The following TOP1 variants were observed in gnomAD, a reference collection of about 807,000 sequenced individuals.
The protein encoded by TOP1 is DNA topoisomerase 1.
A neutral mutation model predicts 111.1 loss-of-function variants in TOP1; 10 were observed. That is an observed-to-expected ratio of 0.09 (90% confidence interval 0.06 to 0.15). TOP1 has a LOEUF of 0.15. Among genes scored for constraint, TOP1 ranks in the 10% least tolerant of loss-of-function variants. The pLI is 1.00. For missense variants in TOP1, 474 were observed against 926.7 expected (o/e 0.51, Z 6.34); for synonymous variants, 271 against 302.9 (o/e 0.89, Z 1.10).
At position 41,080,914 on chromosome 20, in the gene TOP1, C is replaced by G. The variant is rs1477293381; in HGVS notation, c.432-251C>G. On this transcript the variant is annotated intron_variant, in intron 6 of 20. Transcript: ENST00000361337. The surrounding 1 kb of genome is among the most constrained non-coding windows in gnomAD (Gnocchi z 5.0). ...TAATGATATTTATTTCTGCATATAT[C>G]CCCCCACCCTATTTTGCTTCCAGGC... Among the ~76,000 whole-genome samples the G allele has an allele frequency of 2.0e-5, 3 of 151,740 alleles. No individual in the cohort carries two copies. Among genetic ancestry groups the G allele is most frequent in the Admixed American group, 6.6e-5 (1 of 15,220 alleles).
rs2033502518 is a variant in TOP1 at position 41,058,538 on chromosome 20, T to G, written c.59-2856T>G. On this transcript the variant is annotated intron_variant, in intron 2 of 20. Transcript: ENST00000361337. This position sits in a 1 kb window ranked among gnomAD's most constrained non-coding sequence, Gnocchi z 4.2. ...TACATGGGCCTTTCCAGAGGGCTTCTGAGTGAGTACATGACAGTGTGTCAC... is the reference window on the plus strand; with the variant it reads ...TACATGGGCCTTTCCAGAGGGCTTCGGAGTGAGTACATGACAGTGTGTCAC... Among the ~76,000 whole-genome samples, 6 of 152,218 alleles carry G rather than the reference T, an allele frequency of 3.9e-5. No homozygotes were observed. Among genetic ancestry groups the G allele is most frequent in the Admixed American group, 1.3e-4 (2 of 15,280 alleles).
chr20:41,051,815 A>C (rs139869962), intron 2 of TOP1, among the ~76,000 whole-genome samples: 141 of 152,272 alleles, frequency 9.3e-4, no homozygotes, highest in Non-Finnish European at 1.5e-3. Context: ...AAATGCACAT[A>C]TACAACCTGA....
intron 2 of TOP1, among the ~76,000 whole-genome samples, chr20:41,048,093 A>T (rs892711194): frequency 6.1e-5 from 8 of 132,150 alleles, no homozygotes; most frequent in South Asian, 2.4e-4. Context: ...GCTATAAATT[A>T]AAAAAAAAAA....
Position 41,114,755 on chromosome 20 carries a change from G to A in TOP1, c.1638+600G>A, listed in dbSNP as rs1291073550. Among the ~76,000 whole-genome samples the A allele has an allele frequency of 1.3e-5, 2 of 152,190 alleles. No individual in the cohort carries two copies. Among genetic ancestry groups the A allele is most frequent in the East Asian group, 3.8e-4 (2 of 5,204 alleles). On this transcript the variant is annotated intron_variant, in intron 15 of 20. Coordinates refer to ENST00000361337, the MANE Select transcript of TOP1 (RefSeq NM_003286.4). This position sits in a 1 kb window ranked among gnomAD's most constrained non-coding sequence, Gnocchi z 4.5. ...GCCCATCACTGAAGAGGGTACTATAGCTCTGTAGTCCCAACCTAATCTTTT... is the reference window on the plus strand; with the variant it reads ...GCCCATCACTGAAGAGGGTACTATAACTCTGTAGTCCCAACCTAATCTTTT...
At chr20:41,044,548 G>T (rs2033309690) in intron 2 of TOP1, among the ~76,000 whole-genome samples, 1 of 152,210 alleles carries the variant, frequency 6.6e-6, no homozygotes, top group South Asian at 2.1e-4. Context: ...GTTCTGTGCA[G>T]AAGCAGGCTG....
At chr20:41,051,108 A>C (rs2033400291) in intron 2 of TOP1, among the ~76,000 whole-genome samples, 1 of 152,186 alleles carries the variant, frequency 6.6e-6, no homozygotes, top group African/African-American at 2.4e-5. Context: ...TATGTCAGAG[A>C]AGAGCAGAGA....
rs1427284515 is a variant in TOP1 at position 41,124,077 on chromosome 20, T to C, written c.*780T>C. On this transcript the variant is annotated 3_prime_UTR_variant, in exon 21 of 21. Coordinates refer to ENST00000361337, the MANE Select transcript of TOP1 (RefSeq NM_003286.4). The surrounding 1 kb of genome is among the most constrained non-coding windows in gnomAD (Gnocchi z 5.4). Reference sequence around the variant, plus strand: ...TGAAATAATCAGTGACTGAAACCATTTTCCCATCATCCTTTGTTCTGAGCA... The same window carrying C: ...TGAAATAATCAGTGACTGAAACCATCTTCCCATCATCCTTTGTTCTGAGCA... The C allele has an allele frequency of 4.3e-6, 1 of 233,098 alleles. No homozygotes were observed. 14.4% of individuals were successfully genotyped at this position (233,098 alleles called of 1,614,324 possible). A position where few individuals can be genotyped will look rare whatever the true frequency, so the allele number is the denominator to read the frequency against.
In TOP1 at chr20:41,122,161, T is replaced by C; in HGVS notation, c.2195+6T>C. 1 of 1,613,710 alleles carries C rather than the reference T, an allele frequency of 6.2e-7. No individual in the cohort carries two copies. Among genetic ancestry groups the C allele is most frequent in the Non-Finnish European group, 8.5e-7 (1 of 1,179,828 alleles). ...CCTAGGATCACAGTGGCTTGGTAAG[T>C]GTTGAGCCCTCCTTGAGCTCCTGCT... On this transcript the variant is annotated splice_donor_region_variant and intron_variant, in intron 20 of 20. Coordinates refer to ENST00000361337, the MANE Select transcript of TOP1 (RefSeq NM_003286.4). This position sits in a 1 kb window ranked among gnomAD's most constrained non-coding sequence, Gnocchi z 5.4.
At position 41,097,269 on chromosome 20, in the gene TOP1, T is replaced by C; in HGVS notation, c.780T>C (p.Phe260=). The change falls in exon 10 of 21, where the codon TTT becomes TTC. Residue 260 remains phenylalanine (F), a synonymous_variant. Transcript: ENST00000361337. The surrounding 1 kb of genome is among the most constrained non-coding windows in gnomAD (Gnocchi z 4.2). ...AAGCAGAGGAAGTAGCTACGTTCTTTGCAAAAATGCTCGACCATGAATATA... is the reference window on the plus strand; with the variant it reads ...AAGCAGAGGAAGTAGCTACGTTCTTCGCAAAAATGCTCGACCATGAATATA... ...SPKAEEVATF[F]AKMLDHEYTT... is the part of the protein sequence containing the mutation. 1 of 1,614,026 alleles carries C rather than the reference T, an allele frequency of 6.2e-7. No individual in the cohort carries two copies. The highest frequency in any genetic ancestry group is 8.5e-7 in the Non-Finnish European group (1 of 1,179,982).
intron 2 of TOP1, among the ~76,000 whole-genome samples, chr20:41,059,825 A>G (rs539184887): frequency 1.3e-5 from 2 of 152,362 alleles, no homozygotes; most frequent in South Asian, 4.1e-4. Flanking sequence ...CAGAATGTAT[A>G]AAGAGCTCTT....
In TOP1 at chr20:41,123,279, T is replaced by G; in HGVS notation, c.2280T>G (p.Asp760Glu). The G allele has an allele frequency of 6.2e-7, 1 of 1,613,192 alleles. No individual in the cohort carries two copies. Among genetic ancestry groups the G allele is most frequent in the Non-Finnish European group, 8.5e-7 (1 of 1,179,140 alleles). The change falls in exon 21 of 21, where the codon GAT becomes GAG. Residue 760 changes from aspartate (D) to glutamate (E), a missense_variant. This residue lies in a region of TOP1 where 26 missense variants were observed against 81.8 expected (regional missense o/e 0.32). Transcript: ENST00000361337. This position sits in a 1 kb window ranked among gnomAD's most constrained non-coding sequence, Gnocchi z 5.8. ...EKFAWAIDMADEDYEF is the reference protein window; with the variant it reads ...EKFAWAIDMAEEDYEF ...TTGCCTGGGCCATTGACATGGCTGATGAAGACTATGAGTTTTAGCCAGTCT... is the reference window on the plus strand; with the variant it reads ...TTGCCTGGGCCATTGACATGGCTGAGGAAGACTATGAGTTTTAGCCAGTCT...
At chr20:41,113,116 T>A (rs886218142) in intron 14 of TOP1, among the ~76,000 whole-genome samples, 191 bp downstream of exon 14, 2 of 152,262 alleles carry the variant, frequency 1.3e-5, no homozygotes, top group East Asian at 3.8e-4. Context: ...GATCTTTTTT[T>A]AACTCTATTT....
At chr20:41,054,633 C>A (rs1195523530) in intron 2 of TOP1, among the ~76,000 whole-genome samples, 1 of 152,152 alleles carries the variant, frequency 6.6e-6, no homozygotes, top group Non-Finnish European at 1.5e-5. Flanking sequence ...GTATTAGTGC[C>A]CTTTTCTCTT....
rs1190080301 is a variant in TOP1 at position 41,029,647 on chromosome 20, C to G, written c.58+192C>G. On this transcript the variant is annotated intron_variant, in intron 2 of 20. Transcript: ENST00000361337. The surrounding 1 kb of genome is among the most constrained non-coding windows in gnomAD (Gnocchi z 6.1). ...CCGGGGACCCCAGCTCCTCCAGATC[C>G]CGGCCCTCCCAAGAGGGGACAACGG... 1.5e-6 allele frequency: 1 copy of G among 671,354 alleles called. No homozygotes were observed. The highest frequency in any genetic ancestry group is 2.7e-6 in the Non-Finnish European group (1 of 370,044). The allele number at this position is 671,354 out of a possible 1,614,324, so 41.6% of individuals were successfully genotyped here.
chr20:41,076,237 A>G lies in TOP1; in HGVS notation c.222A>G (p.Ser74=). The G allele has an allele frequency of 6.2e-7, 1 of 1,602,860 alleles. No individual in the cohort carries two copies. Among genetic ancestry groups the G allele is most frequent in the Non-Finnish European group, 8.5e-7 (1 of 1,169,964 alleles). The change falls in exon 4 of 21, where the codon TCA becomes TCG. Residue 74 remains serine (S), a synonymous_variant. Coordinates refer to ENST00000361337, the MANE Select transcript of TOP1 (RefSeq NM_003286.4). ...AGACCAAACACAAAGATGGAAGCTC[A>G]GAAAAGCATAAAGACAAACATAAAG... The part of the protein sequence containing the change: ...KEKTKHKDGS[S]EKHKDKHKDR...
Position 41,092,354 on chromosome 20 carries a change from C to T in TOP1, c.615-118C>T. ...TGATCCAGGCCTTGAATGTGAGGCC[C>T]AGAAGTCATTCCAGAGCACTAATCA... On this transcript the variant is annotated intron_variant, in intron 8 of 20. Coordinates refer to ENST00000361337, the MANE Select transcript of TOP1 (RefSeq NM_003286.4). The surrounding 1 kb of genome is among the most constrained non-coding windows in gnomAD (Gnocchi z 4.3). 1.9e-6 allele frequency: 1 copy of T among 514,120 alleles called. No individual in the cohort carries two copies. Among genetic ancestry groups the T allele is most frequent in the Non-Finnish European group, 3.5e-6 (1 of 284,944 alleles). The allele number at this position is 514,120 out of a possible 1,614,324, so 31.8% of individuals were successfully genotyped here.
At chr20:41,044,869 C>T (rs1264657106) in intron 2 of TOP1, among the ~76,000 whole-genome samples, 1 of 152,202 alleles carries the variant, frequency 6.6e-6, no homozygotes, top group Non-Finnish European at 1.5e-5. Flanking sequence ...CAGCTTACTG[C>T]AGCCTCTGCC....
intron 13 of TOP1, among the ~76,000 whole-genome samples, chr20:41,104,592 T>C (rs1248339459): frequency 2.0e-5 from 3 of 152,190 alleles, no homozygotes; most frequent in East Asian, 3.8e-4. Context: ...CTATACACAA[T>C]AGACATTTGT....
chr20:41,054,543 A>G (rs1168648143), intron 2 of TOP1, among the ~76,000 whole-genome samples: 2 of 152,218 alleles, frequency 1.3e-5, no homozygotes, highest in Non-Finnish European at 2.9e-5. Flanking sequence ...GTGAACTGGG[A>G]CTATTTCTCT....
Sources: allele counts gnomAD v4.1 joint callset (sites outside exome capture counted in the v4.1 genomes callset), GRCh38; gene constraint gnomAD v4.1.1; regional missense constraint gnomAD v4.1.1; non-coding constraint Gnocchi (gnomAD v3.1); transcripts MANE v1.5; gene names NCBI Gene and HGNC (gene_info 2026-07-23, HGNC 2026-07-21).